Variants in MYO9A observed in about 807,000 individuals in gnomAD.
MYO9A encodes the protein myosin IXA, also known as unconventional myosin-IXa.
In MYO9A, 103 loss-of-function variants were observed where a neutral mutation model predicts 293.3. That is an observed-to-expected ratio of 0.35 (90% CI 0.30 to 0.41). The LOEUF is 0.41. Ranked by LOEUF, MYO9A falls within the 10% of genes least tolerant of loss-of-function variation. The pLI is 1.00. For synonymous variants in MYO9A, 1,001 were observed against 1,035.7 expected (o/e 0.97, Z 0.64); for missense variants, 2,685 against 3,033.0 (o/e 0.89, Z 2.69).
intron 38 of MYO9A, 61 bp from the exon 39 acceptor site, chr15:71,849,029 C>T: frequency 6.9e-7 from 1 of 1,446,486 alleles, no homozygotes; most frequent in South Asian, 1.5e-5. Context: ...GTATAGCACT[C>T]ACAGACTGTT....
intron 1 of MYO9A, among the ~76,000 whole-genome samples, chr15:72,059,042 A>C (rs972990621): frequency 2.0e-5 from 3 of 152,300 alleles, no homozygotes; most frequent in Middle Eastern, 3.4e-3. Flanking sequence ...TCTTTATCAA[A>C]TGTTAATATG....
At chr15:71,926,825 G>A (rs2058325515) in intron 18 of MYO9A, among the ~76,000 whole-genome samples, 1 of 152,214 alleles carries the variant, frequency 6.6e-6, no homozygotes, top group South Asian at 2.1e-4. Context: ...CTCAGACCCT[G>A]CAGGGTACAC....
intron 19 of MYO9A, among the ~76,000 whole-genome samples, chr15:71,909,237 G>A (rs1251217114): frequency 6.6e-6 from 1 of 152,162 alleles, no homozygotes; most frequent in Non-Finnish European, 1.5e-5. Context: ...TTATTGTGTG[G>A]ACATAAGTTT....
Position 71,991,063 on chromosome 15 carries a change from T to C in MYO9A, c.1722+40A>G, listed in dbSNP as rs770844168. 3.4e-6 allele frequency: 5 copies of C among 1,455,954 alleles called. No individual in the cohort carries two copies. The African/African-American group carries it at 7.2e-5, about 21-fold the overall frequency. The allele number at this position is 1,455,954 out of a possible 1,614,324, so 90.2% of individuals were successfully genotyped here. ...ATTATGAATATGACTCAAAGATATG[T>C]GTGATGGGGGGACAAGTGTATACAT... On this transcript the variant is annotated intron_variant, in intron 11 of 41. Transcript: ENST00000356056.
intron 1 of MYO9A, among the ~76,000 whole-genome samples, chr15:72,056,203 G>T (rs1382344152): frequency 6.6e-6 from 1 of 152,128 alleles, no homozygotes; most frequent in Non-Finnish European, 1.5e-5. Flanking sequence ...GCTCCAACCT[G>T]CACAACAGGG....
chr15:72,103,307 G>A (rs1567044080), intron 1 of MYO9A, among the ~76,000 whole-genome samples: 3 of 139,756 alleles, frequency 2.1e-5, no homozygotes, highest in Non-Finnish European at 4.7e-5. Context: ...AGCAGAAGCA[G>A]AAGCAGCAGC....
At chr15:72,087,781 T>C (rs2079787654) in intron 1 of MYO9A, among the ~76,000 whole-genome samples, 1 of 152,334 alleles carries the variant, frequency 6.6e-6, no homozygotes, top group East Asian at 1.9e-4. Context: ...ATATTTTTTT[T>C]CCACTATGCC....
chr15:72,092,735 C>T (rs1596554174), intron 1 of MYO9A, among the ~76,000 whole-genome samples: 1 of 152,114 alleles, frequency 6.6e-6, no homozygotes, highest in Non-Finnish European at 1.5e-5. Context: ...GATTTATAGG[C>T]ACTTAAGTTT....
intron 33 of MYO9A, among the ~76,000 whole-genome samples, chr15:71,860,112 T>C (rs987168410): frequency 6.6e-6 from 1 of 152,180 alleles, no homozygotes; most frequent in African/African-American, 2.4e-5. Flanking sequence ...ATACTTATCT[T>C]TGTGGTTTGA....
rs1312676655 is a variant in MYO9A, at chr15:71,960,079, A to AT, written c.2003dup (p.Asn668LysfsTer28). 2 of 1,613,630 alleles carry AT rather than the reference A, an allele frequency of 1.2e-6. No individual in the cohort carries two copies. Among genetic ancestry groups the AT allele is most frequent in the Non-Finnish European group, 1.7e-6 (2 of 1,179,844 alleles). ...CAATGTCTGGGCGCATATGATCTGTATTTTTTTCCCGGAAATCCTATATGA... is the reference window on the plus strand; with the variant it reads ...CAATGTCTGGGCGCATATGATCTGTATTTTTTTTCCCGGAAATCCTATATGA... On this transcript the variant is annotated frameshift_variant, in exon 14 of 42. Coordinates refer to ENST00000356056, the MANE Select transcript of MYO9A (RefSeq NM_006901.4). LOFTEE classifies it high-confidence loss of function.
intron 8 of MYO9A, among the ~76,000 whole-genome samples, chr15:72,006,114 G>A (rs12917442): frequency 0.012 from 1,866 of 152,238 alleles, 18 homozygotes; most frequent in East Asian, 0.025. Context: ...GTCTCGCTCT[G>A]TTACCCAGGC....
chr15:72,099,156 C>A (rs144153666), intron 1 of MYO9A, among the ~76,000 whole-genome samples: 1 of 152,118 alleles, frequency 6.6e-6, no homozygotes, highest in African/African-American at 2.4e-5. Flanking sequence ...TAGCCAGGTC[C>A]AGGCCAGGGG....
At chr15:71,934,605 T>TC (rs1372059787) in intron 17 of MYO9A, among the ~76,000 whole-genome samples, 1 of 151,552 alleles carries the variant, frequency 6.6e-6, no homozygotes, top group Non-Finnish European at 1.5e-5. Flanking sequence ...TTTTTCCTTT[T>TC]TTTTTTTTTC....
At chr15:71,877,748 G>A (rs997383740) in intron 31 of MYO9A, among the ~76,000 whole-genome samples, 4 of 152,050 alleles carry the variant, frequency 2.6e-5, no homozygotes, top group African/African-American at 9.7e-5. Flanking sequence ...ATGAGCCACC[G>A]CCCCACCCCG....
In MYO9A at chr15:72,045,895, A is replaced by G. The variant is rs145899933; in HGVS notation, c.669T>C (p.Tyr223=). 14 of 1,614,036 alleles carry G rather than the reference A, an allele frequency of 8.7e-6. No homozygotes were observed. The highest frequency in any genetic ancestry group is 2.7e-5 in the African/African-American group (2 of 74,918). The part of the protein sequence containing the change: ...PHIYAVADVA[Y]HAMLQRKKNQ... ...TCTTTTTGCGCTGAAGCATGGCATGATAAGCTACATCAGCCACAGCATAAA... is the reference window on the plus strand; with the variant it reads ...TCTTTTTGCGCTGAAGCATGGCATGGTAAGCTACATCAGCCACAGCATAAA... Residue 223 remains tyrosine (Y), a synonymous_variant, in exon 2 of 42, where the codon TAT becomes TAC. Coordinates refer to ENST00000356056, the MANE Select transcript of MYO9A (RefSeq NM_006901.4).
At chr15:71,893,628 A>C (rs1360572597) in intron 26 of MYO9A, 51 bp downstream of exon 26, 6 of 1,411,138 alleles carry the variant, frequency 4.3e-6, no homozygotes, top group Non-Finnish European at 6.0e-6. Flanking sequence ...TTCCAAAATA[A>C]TGTACATCTC....
intron 1 of MYO9A, among the ~76,000 whole-genome samples, chr15:72,101,865 T>TG (rs1235723629): frequency 2.8e-4 from 39 of 138,962 alleles, no homozygotes; most frequent in African/African-American, 9.3e-4. Flanking sequence ...GGGAGGGAGG[T>TG]GGGGGGGTCA....
chr15:71,951,583 C>A (rs902993415), intron 15 of MYO9A, 194 bp downstream of exon 15: 1 of 523,438 alleles, frequency 1.9e-6, no homozygotes. Flanking sequence ...AGAAAAGTCA[C>A]CAAAGTTAAA....
At chr15:71,827,156 AG>A in intron 41 of MYO9A, 113 bp from the exon 42 acceptor site, 1 of 797,070 alleles carries the variant, frequency 1.3e-6, no homozygotes, top group Non-Finnish European at 1.9e-6. Context: ...TAAGATTCAG[AG>A]GGTCCAGGAT....
Sources: gnomAD v4.1 joint callset for allele counts (sites outside exome capture counted in the v4.1 genomes callset) on GRCh38, gnomAD v4.1.1 for gene constraint, MANE v1.5 for transcripts, NCBI Gene and HGNC (gene_info 2026-07-23, HGNC 2026-07-21) for gene names.